The following KCTD16 variants were observed in gnomAD, a reference collection of about 807,000 sequenced individuals.
The protein encoded by KCTD16 is potassium channel tetramerization domain containing 16, also known as BTB/POZ domain-containing protein KCTD16.
In KCTD16, 13 loss-of-function variants were observed where a neutral mutation model predicts 33.2. The ratio of observed to expected loss-of-function variants is 0.39; its 90% CI spans 0.25 to 0.62. The LOEUF is 0.62. Among genes scored for constraint, KCTD16 ranks in the 20% least tolerant of loss-of-function variants. The pLI is 0.50. For missense variants in KCTD16, 441 were observed against 525.1 expected (o/e 0.84, Z 1.57); for synonymous variants, 197 against 195.3 (o/e 1.01, Z -0.07).
chr5:144,215,895 A>G (rs2126798588), intron 3 of KCTD16, among the ~76,000 whole-genome samples: 1 of 152,344 alleles, frequency 6.6e-6, no homozygotes, highest in Admixed American at 6.5e-5. Context: ...ACTTTATAAG[A>G]AGAAGTTTTA....
chr5:144,281,519 A>G (rs1561552531), intron 3 of KCTD16, among the ~76,000 whole-genome samples: 2 of 152,088 alleles, frequency 1.3e-5, no homozygotes, highest in South Asian at 2.1e-4. Context: ...TTTTTCTGCT[A>G]TATTCCTTTT....
At chr5:144,415,148 G>A (rs1006508175) in intron 3 of KCTD16, among the ~76,000 whole-genome samples, 5 of 152,116 alleles carry the variant, frequency 3.3e-5, no homozygotes, top group African/African-American at 7.2e-5. Context: ...GTGAGAGAGC[G>A]GAAACAAGAG....
chr5:144,178,994 C>T (rs1752564251), intron 2 of KCTD16, among the ~76,000 whole-genome samples: 1 of 152,144 alleles, frequency 6.6e-6, no homozygotes, highest in African/African-American at 2.4e-5. Flanking sequence ...GACCAAAACA[C>T]CCCTCGTTTA....
chr5:144,207,529 C>A lies in KCTD16; in HGVS notation c.815C>A (p.Thr272Asn), dbSNP rs1243117501. The change falls in exon 3 of 4, where the codon ACT (threonine) becomes AAT (asparagine). Residue 272 changes from threonine to asparagine, a missense_variant. Thr to Asn is a moderately conservative substitution (Grantham distance 65). Coordinates refer to ENST00000512467, the MANE Select transcript of KCTD16 (RefSeq NM_020768.4). Reference protein sequence around the residue: ...YTDDKIWSSYTEYVFYREPSR... With the variant: ...YTDDKIWSSYNEYVFYREPSR... ...GATGACAAGATCTGGTCAAGCTACACTGAATATGTCTTCTACCGTAAGTAC... is the reference window on the plus strand; with the variant it reads ...GATGACAAGATCTGGTCAAGCTACAATGAATATGTCTTCTACCGTAAGTAC... 4.3e-6 allele frequency: 7 copies of A among 1,611,608 alleles called. No homozygotes were observed. Among genetic ancestry groups the A allele is most frequent in the Admixed American group, 1.7e-5 (1 of 59,894 alleles).
chr5:144,270,186 A>T (rs1244632834), intron 3 of KCTD16, among the ~76,000 whole-genome samples: 1 of 151,988 alleles, frequency 6.6e-6, no homozygotes, highest in Non-Finnish European at 1.5e-5. Context: ...TTCAAAAGAG[A>T]GGTTAGCAGA....
At chr5:144,273,794 TA>T (rs1159038719) in intron 3 of KCTD16, among the ~76,000 whole-genome samples, 1 of 151,972 alleles carries the variant, frequency 6.6e-6, no homozygotes, top group Non-Finnish European at 1.5e-5. Flanking sequence ...AATAGGGAGT[TA>T]CTTTTTATGT....
At chr5:144,356,946 C>T (rs1751584383) in intron 3 of KCTD16, among the ~76,000 whole-genome samples, 1 of 152,108 alleles carries the variant, frequency 6.6e-6, no homozygotes, top group African/African-American at 2.4e-5. Context: ...TAACTCAGAT[C>T]AAAGAGATTA....
chr5:144,177,942 A>G (rs1012709562), intron 2 of KCTD16, among the ~76,000 whole-genome samples: 5 of 152,286 alleles, frequency 3.3e-5, no homozygotes, highest in African/African-American at 1.2e-4. Context: ...TCAGCTATTC[A>G]TGTCAATGTC....
At chr5:144,309,873 G>A (rs912153595) in intron 3 of KCTD16, among the ~76,000 whole-genome samples, 2 of 151,968 alleles carry the variant, frequency 1.3e-5, no homozygotes, top group South Asian at 4.2e-4. Context: ...AGGGTGGGTG[G>A]GGGGACGGCA....
chr5:144,178,242 A>AT (rs1193411618), intron 2 of KCTD16, among the ~76,000 whole-genome samples: 1 of 152,122 alleles, frequency 6.6e-6, no homozygotes, highest in Non-Finnish European at 1.5e-5. Flanking sequence ...TATTTTATTG[A>AT]TTTTTTTCAC....
intron 3 of KCTD16, among the ~76,000 whole-genome samples, chr5:144,402,984 T>C (rs1369046329): frequency 6.6e-6 from 1 of 152,200 alleles, no homozygotes; most frequent in Non-Finnish European, 1.5e-5. Context: ...GTCTTTACTT[T>C]TTCCCACTTT....
At chr5:144,395,177 A>T (rs1752541764) in intron 3 of KCTD16, among the ~76,000 whole-genome samples, 1 of 152,228 alleles carries the variant, frequency 6.6e-6, no homozygotes, top group African/African-American at 2.4e-5. Context: ...CCACTTAAGG[A>T]CTAAGGCAGA....
At chr5:144,312,644 GA>G (rs1354058882) in intron 3 of KCTD16, among the ~76,000 whole-genome samples, 1 of 152,170 alleles carries the variant, frequency 6.6e-6, no homozygotes, top group African/African-American at 2.4e-5. Context: ...AGGAGAAGAG[GA>G]AATTCTTTCT....
chr5:144,208,762 A>AC (rs1398348999), intron 3 of KCTD16, among the ~76,000 whole-genome samples: 5 of 152,252 alleles, frequency 3.3e-5, no homozygotes, highest in African/African-American at 1.2e-4. Context: ...AAGCTATCAC[A>AC]CATTTGGTTA....
intron 3 of KCTD16, among the ~76,000 whole-genome samples, chr5:144,392,996 A>T (rs965177178): frequency 6.6e-6 from 1 of 152,206 alleles, no homozygotes; most frequent in East Asian, 1.9e-4. Context: ...ATTAATTGAT[A>T]CTGTGCTCAT....
At chr5:144,236,949 G>A (rs1325617502) in intron 3 of KCTD16, among the ~76,000 whole-genome samples, 5 of 152,026 alleles carry the variant, frequency 3.3e-5, no homozygotes, top group Non-Finnish European at 5.9e-5. Flanking sequence ...ATATTTGAAT[G>A]GCCTGCCTGC....
chr5:144,262,176 A>G (rs887815649), intron 3 of KCTD16, among the ~76,000 whole-genome samples: 2 of 152,194 alleles, frequency 1.3e-5, no homozygotes, highest in African/African-American at 4.8e-5. Context: ...CAGGGAACAT[A>G]TGAACCAAGA....
intron 3 of KCTD16, among the ~76,000 whole-genome samples, chr5:144,305,181 T>C (rs1751567388): frequency 6.6e-6 from 1 of 152,118 alleles, no homozygotes; most frequent in Admixed American, 6.5e-5. Flanking sequence ...GATTCTGTTA[T>C]ATCTTTTTTA....
chr5:144,267,569 T>C (rs542244981), intron 3 of KCTD16, among the ~76,000 whole-genome samples: 1 of 152,268 alleles, frequency 6.6e-6, no homozygotes, highest in East Asian at 1.9e-4. Context: ...AAACTGTGGC[T>C]TTATCCATTT....
Sources: allele counts gnomAD v4.1 joint callset (sites outside exome capture counted in the v4.1 genomes callset), GRCh38; gene constraint gnomAD v4.1.1; transcripts MANE v1.5; gene names NCBI Gene and HGNC (gene_info 2026-07-23, HGNC 2026-07-21).